The following TSPAN11 variants were observed in gnomAD, a reference collection of about 807,000 sequenced individuals.
The protein encoded by TSPAN11 is tetraspanin-11.
TSPAN11 carries 29 observed loss-of-function variants against 32.9 expected under a neutral mutation model. The ratio of observed to expected loss-of-function variants is 0.88; its 90% CI spans 0.66 to 1.20. TSPAN11 has a LOEUF of 1.20. Ranked by LOEUF, TSPAN11 falls within the 50% of genes most tolerant of loss-of-function variation. The probability of loss-of-function intolerance (pLI) is 0.00; values close to 1 mark genes in which losing one functional copy is unlikely to be tolerated. For missense variants in TSPAN11, 283 were observed against 329.1 expected, an observed-to-expected ratio of 0.86 and a Z score of 1.08; for synonymous variants, 140 against 141.3, an observed-to-expected ratio of 0.99 and a Z score of 0.07.
Position 30,945,672 on chromosome 12 carries a change from T to A in TSPAN11, c.-11-8309T>A, listed in dbSNP as rs1249180508. Among the ~76,000 whole-genome samples the A allele has an allele frequency of 3.3e-5, 5 of 151,828 alleles. No homozygotes were observed. The South Asian group carries it at 1.0e-3, about 32-fold the overall frequency. On this transcript the variant is annotated intron_variant, in intron 1 of 7. Coordinates refer to ENST00000546076, the MANE Select transcript of TSPAN11 (RefSeq NM_001370302.1). ...TGTCTTCTCGGTGCTTGAGCCTCAT[T>A]CACTTAGGGAAGAGGGGATGCAGCC... is the stretch of plus-strand genomic sequence containing the variant.
At position 30,992,195 on chromosome 12, in the gene TSPAN11, G is replaced by A. The variant is rs530668475; in HGVS notation, c.*280G>A. ...ACAACCAGAGCCCCTCACCAGGAAC[G>A]GGGGCACCCGTGGACTACGGGAGGG... On this transcript the variant is annotated 3_prime_UTR_variant, in exon 8 of 8. Transcript: ENST00000546076. The A allele has an allele frequency of 1.1e-5, 6 of 525,488 alleles. No homozygotes were observed. Among genetic ancestry groups the A allele is most frequent in the South Asian group, 4.7e-5 (2 of 42,648 alleles). 32.6% of individuals were successfully genotyped at this position (525,488 alleles called of 1,614,324 possible). A position where few individuals can be genotyped will look rare whatever the true frequency, so the allele number is the denominator to read the frequency against.
At chr12:30,941,206 G>T (rs899980758) in intron 1 of TSPAN11, among the ~76,000 whole-genome samples, 1 of 152,232 alleles carries the variant, frequency 6.6e-6, no homozygotes, top group Admixed American at 6.5e-5. Context: ...CATATATACA[G>T]AGGGCCGACT....
chr12:30,951,704 A>C (rs1298884024), intron 1 of TSPAN11, among the ~76,000 whole-genome samples: 4 of 152,238 alleles, frequency 2.6e-5, no homozygotes, highest in Non-Finnish European at 5.9e-5. Flanking sequence ...AACTTGCCCA[A>C]GGTCACACAG....
chr12:30,982,797 C>A, intron 6 of TSPAN11, 107 bp downstream of exon 6: 1 of 1,438,468 alleles, frequency 7.0e-7, no homozygotes, highest in Non-Finnish European at 9.3e-7. Context: ...AAGCAGGACA[C>A]ATGTGCTCCT....
At chr12:30,970,735 C>T (rs553100070) in intron 3 of TSPAN11, among the ~76,000 whole-genome samples, 17 of 152,250 alleles carry the variant, frequency 1.1e-4, no homozygotes, top group Admixed American at 7.2e-4. Flanking sequence ...ACAACCCAGG[C>T]GCTGAGCCCT....
At chr12:31,001,034 G>A (rs551594199), downstream of TSPAN11, among the ~76,000 whole-genome samples, 17 of 152,244 alleles carry the variant, frequency 1.1e-4, no homozygotes, top group Non-Finnish European at 1.8e-4. Context: ...CAGCGCCTGT[G>A]CCTGATCTTC....
chr12:30,928,477 G>A (rs1937848673), intron 1 of TSPAN11, among the ~76,000 whole-genome samples: 1 of 152,180 alleles, frequency 6.6e-6, no homozygotes. Context: ...AAGGAGGGAG[G>A]CATCAAAAGT....
At position 30,982,657 on chromosome 12, in the gene TSPAN11, G is replaced by C. The variant is rs773817312; in HGVS notation, c.582G>C (p.Gln194His). The change falls in exon 6 of 8, where the codon CAG (glutamine) becomes CAC (histidine). Residue 194 changes from glutamine (Q) to histidine (H), a missense_variant. Gln to His is a conservative substitution (Grantham distance 24). Transcript: ENST00000546076. ...AGACAGTGGTGGTGCGCTGCGGCCA[G>C]CGGGCCCACCCCTCCAACATCTATA... Reference protein sequence around the residue: ...CCKTVVVRCGQRAHPSNIYKV... With the variant: ...CCKTVVVRCGHRAHPSNIYKV... 1 of 1,601,940 alleles carries C rather than the reference G, an allele frequency of 6.2e-7. No homozygotes were observed. Among genetic ancestry groups the C allele is most frequent in the Non-Finnish European group, 8.5e-7 (1 of 1,174,280 alleles).
intron 6 of TSPAN11, among the ~76,000 whole-genome samples, 179 bp from the exon 7 acceptor site, chr12:30,982,885 A>T (rs575661001): frequency 5.3e-5 from 8 of 152,326 alleles, no homozygotes; most frequent in Non-Finnish European, 1.2e-4. Context: ...ACCGGAGAGT[A>T]TAGGACACCA....
downstream of TSPAN11, among the ~76,000 whole-genome samples, chr12:31,001,038 G>T (rs975683954): frequency 2.6e-5 from 4 of 152,144 alleles, no homozygotes; most frequent in African/African-American, 9.7e-5. Flanking sequence ...GCCTGTGCCT[G>T]ATCTTCCTGC....
chr12:30,939,522 C>A (rs1017445723), intron 1 of TSPAN11, among the ~76,000 whole-genome samples: 1 of 152,214 alleles, frequency 6.6e-6, no homozygotes, highest in African/African-American at 2.4e-5. Context: ...GATCTACCTT[C>A]AAATTCAACC....
intron 1 of TSPAN11, among the ~76,000 whole-genome samples, chr12:30,928,255 G>A (rs755296788): frequency 2.6e-5 from 4 of 152,146 alleles, no homozygotes; most frequent in Non-Finnish European, 5.9e-5. Context: ...TTCTTCAGAT[G>A]AGCCCAGGAC....
chr12:30,986,145 C>T (rs1046045509), intron 7 of TSPAN11, among the ~76,000 whole-genome samples: 4 of 152,186 alleles, frequency 2.6e-5, no homozygotes, highest in Admixed American at 2.0e-4. Context: ...ATTTATCTCC[C>T]CTACATACCC....
intron 2 of TSPAN11, among the ~76,000 whole-genome samples, chr12:30,958,144 C>T (rs1457652915): frequency 6.6e-6 from 1 of 151,994 alleles, no homozygotes; most frequent in East Asian, 1.9e-4. Flanking sequence ...ATCTCATGTT[C>T]CCTCCCAGCT....
downstream of TSPAN11, among the ~76,000 whole-genome samples, chr12:31,000,381 G>A (rs1231628488): frequency 2.0e-5 from 3 of 152,174 alleles, no homozygotes; most frequent in African/African-American, 7.2e-5. Context: ...GCTCTTCCTT[G>A]GGGACCTGAT....
At chr12:30,956,156 G>A (rs1315118270) in intron 2 of TSPAN11, among the ~76,000 whole-genome samples, 1 of 152,214 alleles carries the variant, frequency 6.6e-6, no homozygotes, top group Non-Finnish European at 1.5e-5. Context: ...AGGCATCTGG[G>A]ACATGTGGAT....
chr12:31,011,419 T>A, the TSPAN11 span, among the ~76,000 whole-genome samples: 7 of 152,110 alleles, frequency 4.6e-5, no homozygotes, highest in Admixed American at 4.6e-4. Context: ...GGAATTAGTA[T>A]CCAACTCAAG....
chr12:30,933,361 A>T (rs917067888), intron 1 of TSPAN11, among the ~76,000 whole-genome samples: 2 of 152,116 alleles, frequency 1.3e-5, no homozygotes, highest in Non-Finnish European at 2.9e-5. Context: ...ACTGGCTCAG[A>T]TAGGTTAGGT....
rs954259234 is a variant in TSPAN11 at position 30,995,340 on chromosome 12, G to A, written c.*3425G>A. 1 of 152,344 alleles carries A rather than the reference G, an allele frequency of 6.6e-6. No individual in the cohort carries two copies. Among genetic ancestry groups the A allele is most frequent in the African/African-American group, 2.4e-5 (1 of 41,462 alleles). The allele number at this position is 152,344 out of a possible 1,614,324, so 9.4% of individuals were successfully genotyped here. A position where few individuals can be genotyped will look rare whatever the true frequency, so the allele number is the denominator to read the frequency against. On this transcript the variant is annotated 3_prime_UTR_variant, in exon 8 of 8. Coordinates refer to ENST00000546076, the MANE Select transcript of TSPAN11 (RefSeq NM_001370302.1). ...TGTGTTGACCACCTCCCCTTCAGGTGAGGCCCTTTTCTGCCTTCTTTCTAG... is the reference window on the plus strand; with the variant it reads ...TGTGTTGACCACCTCCCCTTCAGGTAAGGCCCTTTTCTGCCTTCTTTCTAG...
Sources: allele counts gnomAD v4.1 joint callset (sites outside exome capture counted in the v4.1 genomes callset), GRCh38; gene constraint gnomAD v4.1.1; transcripts MANE v1.5; gene names NCBI Gene and HGNC (gene_info 2026-07-23, HGNC 2026-07-21).